Variants in CNTNAP5 observed in about 807,000 individuals in gnomAD.
The protein encoded by CNTNAP5 is contactin associated protein family member 5.
In CNTNAP5, 72 loss-of-function variants were observed where a neutral mutation model predicts 150.2. The observed-to-expected ratio is 0.48, with a 90% CI of 0.40 to 0.58. The LOEUF (loss-of-function observed/expected upper bound fraction) is 0.58, where lower values mean the gene tolerates loss of function less well. Ranked by LOEUF, CNTNAP5 falls within the 20% of genes least tolerant of loss-of-function variation. The pLI is 0.00. For synonymous variants in CNTNAP5, 672 were observed against 619.8 expected, an observed-to-expected ratio of 1.08 and a Z score of -1.25; for missense variants, 1,636 against 1,626.2, an observed-to-expected ratio of 1.01 and a Z score of -0.10.
At chr2:124,549,892 C>T (rs1322331946) in intron 10 of CNTNAP5, among the ~76,000 whole-genome samples, 1 of 152,234 alleles carries the variant, frequency 6.6e-6, no homozygotes, top group African/African-American at 2.4e-5. Context: ...TTGTAGCATG[C>T]AGGTGTTCCT....
intron 19 of CNTNAP5, among the ~76,000 whole-genome samples, chr2:124,828,982 C>A (rs1245557402): frequency 6.6e-6 from 1 of 151,930 alleles, no homozygotes; most frequent in East Asian, 1.9e-4. Context: ...ACCAGAATCA[C>A]ACCAAGGTTT....
intron 1 of CNTNAP5, among the ~76,000 whole-genome samples, chr2:124,101,736 C>T (rs982650369): frequency 6.6e-5 from 10 of 152,214 alleles, no homozygotes; most frequent in African/African-American, 2.4e-4. Context: ...CTCAGAATAT[C>T]TGGAGACTGT....
chr2:124,028,614 T>C (rs1212701710), intron 1 of CNTNAP5, among the ~76,000 whole-genome samples: 2 of 152,096 alleles, frequency 1.3e-5, no homozygotes, highest in African/African-American at 2.4e-5. Context: ...TTAGTTAACA[T>C]CAAATGTAGA....
rs188231019 is a variant in CNTNAP5, at chr2:124,918,457, C to T, written c.*4169C>T. 6.6e-5 allele frequency among the ~76,000 whole-genome samples: 10 copies of T among 152,196 alleles called. No homozygotes were observed. In the East Asian group the frequency reaches 1.9e-3, roughly 29 times the overall value. On this transcript the variant is annotated 3_prime_UTR_variant, in exon 24 of 24. Transcript: ENST00000682447. ...AGTGTTTCCTGTCTTGAAGGTCATACTTGCTCCCTCTCTGCAGGAAGTTAA... is the reference window on the plus strand; with the variant it reads ...AGTGTTTCCTGTCTTGAAGGTCATATTTGCTCCCTCTCTGCAGGAAGTTAA...
chr2:124,287,502 T>C (rs754371787), intron 3 of CNTNAP5, among the ~76,000 whole-genome samples: 2 of 152,212 alleles, frequency 1.3e-5, no homozygotes, highest in East Asian at 1.9e-4. Context: ...TATTGTGTTT[T>C]TAGAGAAGCT....
At chr2:124,078,608 AT>A (rs1168697416) in intron 1 of CNTNAP5, among the ~76,000 whole-genome samples, 6 of 152,162 alleles carry the variant, frequency 3.9e-5, no homozygotes, top group African/African-American at 1.2e-4. Flanking sequence ...ACAATTTACA[AT>A]TTTTGCCAGC....
chr2:124,886,447 A>G (rs1573688325), intron 21 of CNTNAP5, among the ~76,000 whole-genome samples: 1 of 151,984 alleles, frequency 6.6e-6, no homozygotes, highest in East Asian at 1.9e-4. Flanking sequence ...TTTGGAGTTT[A>G]TTCTAGTTTT....
At chr2:124,290,874 CTTTA>C (rs59044145) in intron 3 of CNTNAP5, among the ~76,000 whole-genome samples, 29,484 of 148,424 alleles carry the variant, frequency 0.2, 3,093 homozygotes, top group African/African-American at 0.26. Flanking sequence ...ATCTTCCTTC[CTTTA>C]TTTATTTATT....
rs565892015 is a variant in CNTNAP5, at chr2:124,848,267, A to G, written c.3218-17039A>G. Among the ~76,000 whole-genome samples, 15 of 152,302 alleles carry G rather than the reference A, an allele frequency of 9.8e-5. No individual in the cohort carries two copies. The South Asian group carries it at 2.9e-3, about 30-fold the overall frequency. ...TTGGATTCCACATATAAGTAAGAACATACAGTGTCTGTCTCTCTGTGTCTG... is the reference window on the plus strand; with the variant it reads ...TTGGATTCCACATATAAGTAAGAACGTACAGTGTCTGTCTCTCTGTGTCTG... On this transcript the variant is annotated intron_variant, in intron 19 of 23. Coordinates refer to ENST00000682447, the MANE Select transcript of CNTNAP5 (RefSeq NM_001367498.1).
intron 13 of CNTNAP5, among the ~76,000 whole-genome samples, chr2:124,649,849 G>A (rs530346287): frequency 2.0e-5 from 3 of 152,282 alleles, no homozygotes; most frequent in African/African-American, 7.2e-5. Context: ...ACAAATACTG[G>A]TGTCCTTATT....
At chr2:124,094,879 T>C (rs1224899725) in intron 1 of CNTNAP5, among the ~76,000 whole-genome samples, 4 of 152,086 alleles carry the variant, frequency 2.6e-5, no homozygotes, top group Admixed American at 6.6e-5. Context: ...TGTGAGACTA[T>C]GGAACAGTAC....
intron 1 of CNTNAP5, among the ~76,000 whole-genome samples, chr2:124,054,747 C>T (rs111283672): frequency 5.1e-4 from 77 of 152,306 alleles, no homozygotes; most frequent in Non-Finnish European, 1.1e-3. Context: ...ACTCAAGCCC[C>T]TTCCTGCTGT....
chr2:124,698,375 T>TACACACACACAC (rs59897587), intron 13 of CNTNAP5, among the ~76,000 whole-genome samples: 12,703 of 147,262 alleles, frequency 0.086, 613 homozygotes, highest in African/African-American at 0.12. Context: ...GACGAGAGGA[T>TACACACACACAC]ACACACACAC....
At chr2:124,647,134 C>A (rs951229647) in intron 12 of CNTNAP5, among the ~76,000 whole-genome samples, 1 of 142,854 alleles carries the variant, frequency 7.0e-6, no homozygotes, top group Admixed American at 7.1e-5. Flanking sequence ...TATGTCCTTC[C>A]GTCATGATTT....
At chr2:124,394,305 G>A (rs1691192115) in intron 3 of CNTNAP5, among the ~76,000 whole-genome samples, 1 of 146,304 alleles carries the variant, frequency 6.8e-6, no homozygotes, top group Non-Finnish European at 1.5e-5. Flanking sequence ...CCAGGAAGCA[G>A]AACTTTCAGA....
intron 3 of CNTNAP5, among the ~76,000 whole-genome samples, chr2:124,413,647 C>G (rs1442852657): frequency 2.5e-5 from 2 of 79,378 alleles, no homozygotes. Context: ...AACCAAACAC[C>G]GCATATTCTC....
chr2:124,794,560 T>A lies in CNTNAP5; in HGVS notation c.2993-3536T>A, dbSNP rs533661091. 5.3e-5 allele frequency among the ~76,000 whole-genome samples: 8 copies of A among 152,342 alleles called. No individual in the cohort carries two copies. In the East Asian group the frequency reaches 1.5e-3, roughly 29 times the overall value. ...AGTGAAAAAAATAAAAGTATGTACA[T>A]TTGGGTGCTCTTTACATATTGCCAA... On this transcript the variant is annotated intron_variant, in intron 18 of 23. Coordinates refer to ENST00000682447, the MANE Select transcript of CNTNAP5 (RefSeq NM_001367498.1).
At chr2:124,087,457 C>T (rs1682717989) in intron 1 of CNTNAP5, among the ~76,000 whole-genome samples, 1 of 151,908 alleles carries the variant, frequency 6.6e-6, no homozygotes, top group Non-Finnish European at 1.5e-5. Context: ...GGCGTAGTTG[C>T]TCACGTCTGT....
At chr2:124,436,613 C>A (rs1489933899) in intron 5 of CNTNAP5, among the ~76,000 whole-genome samples, 1 of 152,100 alleles carries the variant, frequency 6.6e-6, no homozygotes. Flanking sequence ...TATCTGAATA[C>A]CTCACACTGT....
Sources: allele counts gnomAD v4.1 joint callset (sites outside exome capture counted in the v4.1 genomes callset), GRCh38; gene constraint gnomAD v4.1.1; transcripts MANE v1.5; gene names NCBI Gene and HGNC (gene_info 2026-07-23, HGNC 2026-07-21).